GALNTL6: variants seen among roughly 807,000 people sequenced by gnomAD.
GALNTL6 encodes polypeptide N-acetylgalactosaminyltransferase-like 6.
In GALNTL6, 46 loss-of-function variants were observed where a neutral mutation model predicts 73.7. That is an observed-to-expected ratio of 0.62 (90% CI 0.49 to 0.80). GALNTL6 has a LOEUF of 0.80. GALNTL6 is among the 30% of genes least tolerant of loss of function. The pLI, the probability that GALNTL6 is intolerant of heterozygous loss-of-function variation, is 0.00. For missense variants in GALNTL6, 604 were observed against 755.0 expected, an observed-to-expected ratio of 0.80 and a Z score of 2.34; for synonymous variants, 259 against 263.7, an observed-to-expected ratio of 0.98 and a Z score of 0.17.
chr4:171,996,556 A>ATCTTCTCC (rs1740490726), intron 2 of GALNTL6, among the ~76,000 whole-genome samples: 1 of 152,078 alleles, frequency 6.6e-6, no homozygotes, highest in African/African-American at 2.4e-5. Context: ...CAGGAGAAGA[A>ATCTTCTCC]TGTTAAAAGA....
At chr4:172,634,334 G>A (rs988897306) in intron 5 of GALNTL6, among the ~76,000 whole-genome samples, 1 of 152,116 alleles carries the variant, frequency 6.6e-6, no homozygotes, top group Non-Finnish European at 1.5e-5. Context: ...CCACACAGTA[G>A]CCAATAACTT....
intron 2 of GALNTL6, among the ~76,000 whole-genome samples, chr4:171,830,053 T>C (rs1479397781): frequency 2.0e-5 from 3 of 151,898 alleles, no homozygotes; most frequent in Non-Finnish European, 2.9e-5. Flanking sequence ...GAGGCAGAGA[T>C]TACAATGATG....
At chr4:172,469,519 G>A (rs1269178371) in intron 5 of GALNTL6, among the ~76,000 whole-genome samples, 1 of 152,158 alleles carries the variant, frequency 6.6e-6, no homozygotes, top group Admixed American at 6.5e-5. Context: ...CAGCTACTTT[G>A]GAGGTTGAGG....
At chr4:172,393,171 G>A (rs1035099460) in intron 5 of GALNTL6, among the ~76,000 whole-genome samples, 14 of 152,178 alleles carry the variant, frequency 9.2e-5, no homozygotes, top group African/African-American at 2.9e-4. Context: ...GCCAAAAAGG[G>A]AGCCGCTGCT....
chr4:172,344,181 G>T (rs1741662716), intron 4 of GALNTL6, among the ~76,000 whole-genome samples: 1 of 152,030 alleles, frequency 6.6e-6, no homozygotes, highest in Non-Finnish European at 1.5e-5. Flanking sequence ...GTTCCATATT[G>T]GTACATCATC....
chr4:172,256,269 G>T (rs979833863), intron 3 of GALNTL6, among the ~76,000 whole-genome samples: 1 of 151,216 alleles, frequency 6.6e-6, no homozygotes, highest in Non-Finnish European at 1.5e-5. Flanking sequence ...CATAGTAAAT[G>T]TATACATTTT....
At chr4:172,574,717 C>T (rs1736896965) in intron 5 of GALNTL6, among the ~76,000 whole-genome samples, 1 of 151,854 alleles carries the variant, frequency 6.6e-6, no homozygotes, top group Non-Finnish European at 1.5e-5. Context: ...TATAAATTAT[C>T]TAACCACAAC....
chr4:172,472,139 A>G (rs1431325046), intron 5 of GALNTL6, among the ~76,000 whole-genome samples: 30 of 152,158 alleles, frequency 2.0e-4, no homozygotes, highest in Admixed American at 2.0e-3. Flanking sequence ...CTCATAATCA[A>G]TGTTTCCCTT....
chr4:172,670,999 A>T (rs1731944074), intron 5 of GALNTL6, among the ~76,000 whole-genome samples: 1 of 151,988 alleles, frequency 6.6e-6, no homozygotes. Context: ...ATTCTGTTCC[A>T]TTGGTCTATG....
intron 2 of GALNTL6, among the ~76,000 whole-genome samples, chr4:172,188,584 T>C (rs940022488): frequency 6.6e-6 from 1 of 152,152 alleles, no homozygotes; most frequent in African/African-American, 2.4e-5. Context: ...TAAATAAATA[T>C]AAAATGCTTG....
intron 5 of GALNTL6, among the ~76,000 whole-genome samples, chr4:172,702,417 A>G (rs530287021): frequency 6.6e-6 from 1 of 151,988 alleles, no homozygotes; most frequent in African/African-American, 2.4e-5. Flanking sequence ...ATTCTTCCTT[A>G]ATGCTTAAAC....
intron 5 of GALNTL6, among the ~76,000 whole-genome samples, chr4:172,406,924 G>C (rs749445163): frequency 6.6e-6 from 1 of 151,808 alleles, no homozygotes; most frequent in African/African-American, 2.4e-5. Context: ...GTGAATTAAC[G>C]TCCAGTTTAT....
chr4:172,970,119 A>T (rs930034111), intron 10 of GALNTL6, among the ~76,000 whole-genome samples: 1 of 152,216 alleles, frequency 6.6e-6, no homozygotes, highest in Admixed American at 6.5e-5. Context: ...AGGGCAAAAA[A>T]GGAGAACAAA....
chr4:172,869,055 C>A (rs570355768), intron 7 of GALNTL6, among the ~76,000 whole-genome samples: 56 of 152,220 alleles, frequency 3.7e-4, no homozygotes, highest in African/African-American at 1.3e-3. Flanking sequence ...AATACTAGAT[C>A]TAATTCCAAA....
At chr4:172,171,297 A>T (rs10010278) in intron 2 of GALNTL6, among the ~76,000 whole-genome samples, 151,957 of 152,310 alleles carry the variant, frequency 1, 75,804 homozygotes, top group Middle Eastern at 1. Flanking sequence ...AATATCCTAA[A>T]AAGAATATAC....
chr4:172,110,600 G>A (rs1370685064), intron 2 of GALNTL6, among the ~76,000 whole-genome samples: 1 of 152,148 alleles, frequency 6.6e-6, no homozygotes, highest in Non-Finnish European at 1.5e-5. Context: ...AAAGCTGCCA[G>A]TTATTTATAA....
chr4:172,813,130 T>A (rs58487711), intron 6 of GALNTL6, among the ~76,000 whole-genome samples: 1 of 152,136 alleles, frequency 6.6e-6, no homozygotes, highest in East Asian at 1.9e-4. Flanking sequence ...TATTTACTTT[T>A]TGGAACCTCC....
chr4:172,425,680 G>T (rs963467420), intron 5 of GALNTL6, among the ~76,000 whole-genome samples: 3 of 151,980 alleles, frequency 2.0e-5, no homozygotes, highest in African/African-American at 7.2e-5. Context: ...AATGAAAATT[G>T]GTATGGCAAA....
chr4:171,940,377 T>C (rs904899886), intron 2 of GALNTL6, among the ~76,000 whole-genome samples: 4 of 152,092 alleles, frequency 2.6e-5, no homozygotes, highest in African/African-American at 9.7e-5. Flanking sequence ...TCTTTGGAGC[T>C]CACATTACCA....
Sources: allele counts gnomAD v4.1 joint callset (sites outside exome capture counted in the v4.1 genomes callset), GRCh38; gene constraint gnomAD v4.1.1; transcripts MANE v1.5; gene names NCBI Gene and HGNC (gene_info 2026-07-23, HGNC 2026-07-21).